PDE8A: variants seen among roughly 807,000 people sequenced by gnomAD.
PDE8A encodes phosphodiesterase 8A, also known as high affinity cAMP-specific and IBMX-insensitive 3',5'-cyclic phosphodiesterase 8A.
In PDE8A, 59 loss-of-function variants were observed where a neutral mutation model predicts 105.0. The ratio of observed to expected loss-of-function variants is 0.56; its 90% CI spans 0.46 to 0.70. The LOEUF (loss-of-function observed/expected upper bound fraction) is 0.70. Among genes scored for constraint, PDE8A ranks in the 30% least tolerant of loss-of-function variants. The pLI, the probability that PDE8A is intolerant of heterozygous loss-of-function variation, is 0.00. For synonymous variants in PDE8A, 355 were observed against 371.9 expected (o/e 0.95, Z 0.52); for missense variants, 1,014 against 1,045.9 (o/e 0.97, Z 0.42).
At chr15:85,123,337 T>TACACAC (rs58421452) in intron 19 of PDE8A, 144 bp downstream of exon 19, 3,991 of 329,882 alleles carry the variant, frequency 0.012, 57 homozygotes, top group African/African-American at 0.017. Flanking sequence ...ACTAATGGGA[T>TACACAC]ACACACACAC....
chr15:85,074,674 C>G (rs551924570), intron 3 of PDE8A, among the ~76,000 whole-genome samples: 2 of 152,350 alleles, frequency 1.3e-5, no homozygotes, highest in African/African-American at 4.8e-5. Context: ...GAACCTGTCT[C>G]AAAAAGATGG....
At chr15:85,022,915 G>C (rs1007639900) in intron 1 of PDE8A, among the ~76,000 whole-genome samples, 17 of 152,238 alleles carry the variant, frequency 1.1e-4, no homozygotes, top group Admixed American at 1.0e-3. Flanking sequence ...GAAGATATAT[G>C]AACATGTTTA....
At position 85,066,979 on chromosome 15, in the gene PDE8A, T is replaced by G; in HGVS notation, c.244-35T>G. On this transcript the variant is annotated intron_variant, in intron 2 of 21. Transcript: ENST00000394553. ...TAAGAAATGACAATTCTAACATCTT[T>G]TTTTAAAAAAAGTGTTTGTGCTCTT... 2.0e-6 allele frequency: 3 copies of G among 1,482,014 alleles called. No individual in the cohort carries two copies. In the South Asian group the frequency reaches 3.7e-5, roughly 18 times the overall value. 91.8% of individuals were successfully genotyped at this position (1,482,014 alleles called of 1,614,324 possible).
intron 3 of PDE8A, 82 bp downstream of exon 3, chr15:85,067,286 C>T: frequency 1.0e-6 from 1 of 1,001,066 alleles, no homozygotes; most frequent in Middle Eastern, 2.9e-4. Flanking sequence ...AAATTAGACT[C>T]ACTCTCTTTT....
chr15:85,037,299 A>G (rs376452119), intron 1 of PDE8A, among the ~76,000 whole-genome samples: 12 of 152,232 alleles, frequency 7.9e-5, no homozygotes, highest in African/African-American at 2.9e-4. Flanking sequence ...TCCCAACCTC[A>G]GGTGATCTGC....
intron 19 of PDE8A, among the ~76,000 whole-genome samples, chr15:85,125,670 T>TA (rs1320526332): frequency 6.6e-6 from 1 of 152,234 alleles, no homozygotes; most frequent in East Asian, 1.9e-4. Flanking sequence ...GAATGACTGT[T>TA]AAGTCCTTTA....
chr15:85,055,598 T>G (rs533873534), intron 1 of PDE8A, among the ~76,000 whole-genome samples: 1 of 152,352 alleles, frequency 6.6e-6, no homozygotes, highest in East Asian at 1.9e-4. Context: ...CTTTGTTGGT[T>G]TAAAGTCTGT....
chr15:85,087,679 A>G (rs1268309497), intron 6 of PDE8A, among the ~76,000 whole-genome samples: 1 of 152,226 alleles, frequency 6.6e-6, no homozygotes, highest in East Asian at 1.9e-4. Context: ...TATTGAATAA[A>G]TCATAATATA....
chr15:85,103,261 C>T (rs1021048806), intron 11 of PDE8A, among the ~76,000 whole-genome samples: 13 of 152,076 alleles, frequency 8.5e-5, no homozygotes, highest in African/African-American at 2.7e-4. Context: ...GTTGGGCAGC[C>T]GGGATATGGC....
chr15:85,015,246 T>A (rs1156384354), intron 1 of PDE8A, among the ~76,000 whole-genome samples: 1 of 150,604 alleles, frequency 6.6e-6, no homozygotes, highest in African/African-American at 2.4e-5. Context: ...GCATAAGTCT[T>A]TTTTTTTTTG....
In PDE8A at chr15:85,033,594, G is replaced by C. The variant is rs370976620; in HGVS notation, c.187-30776G>C. Among the ~76,000 whole-genome samples the C allele has an allele frequency of 4.6e-5, 7 of 152,176 alleles. No individual in the cohort carries two copies. The East Asian group carries it at 7.7e-4, about 17-fold the overall frequency. ...AAATAGCTGGTCCAAGCCAGGCGTG[G>C]TGGCTCACACTTGTAATCCCAGCAC... On this transcript the variant is annotated intron_variant, in intron 1 of 21. Transcript: ENST00000394553.
intron 1 of PDE8A, among the ~76,000 whole-genome samples, chr15:85,032,772 T>A (rs538644685): frequency 1.3e-5 from 2 of 152,320 alleles, no homozygotes; most frequent in East Asian, 1.9e-4. Context: ...AAATGCATTT[T>A]AAAAAATCAA....
intron 1 of PDE8A, among the ~76,000 whole-genome samples, chr15:85,028,447 T>TC (rs926831555): frequency 2.0e-5 from 3 of 152,272 alleles, no homozygotes; most frequent in African/African-American, 7.2e-5. Flanking sequence ...GCTCCTGGCC[T>TC]CAAGTGATCC....
intron 1 of PDE8A, among the ~76,000 whole-genome samples, chr15:85,015,587 A>G (rs1279703275): frequency 6.6e-6 from 1 of 152,122 alleles, no homozygotes; most frequent in African/African-American, 2.4e-5. Context: ...AGAAAGTATT[A>G]TTTCTCTACT....
intron 7 of PDE8A, among the ~76,000 whole-genome samples, chr15:85,090,393 T>C (rs888807406): frequency 6.6e-6 from 1 of 152,232 alleles, no homozygotes; most frequent in Non-Finnish European, 1.5e-5. Context: ...GTATCAATTA[T>C]TGTTTTATCA....
At chr15:85,081,304 C>A (rs1007259915) in intron 5 of PDE8A, among the ~76,000 whole-genome samples, 4 of 152,214 alleles carry the variant, frequency 2.6e-5, no homozygotes, top group African/African-American at 9.7e-5. Context: ...AGTCGGTAGA[C>A]TCACTGCTGG....
intron 1 of PDE8A, among the ~76,000 whole-genome samples, chr15:85,034,745 A>C (rs895804364): frequency 6.6e-6 from 1 of 152,184 alleles, no homozygotes; most frequent in Non-Finnish European, 1.5e-5. Context: ...ACAGGGTCTC[A>C]CTATGTTGCC....
At chr15:85,120,460 T>C (rs2082164272) in intron 17 of PDE8A, 1 of 169,920 alleles carries the variant, frequency 5.9e-6, no homozygotes, top group Non-Finnish European at 1.2e-5. Flanking sequence ...GTTTCTCTCC[T>C]TTATTAATAT....
At chr15:85,135,335 C>G (rs1009670555) in intron 20 of PDE8A, among the ~76,000 whole-genome samples, 10 of 152,128 alleles carry the variant, frequency 6.6e-5, no homozygotes, top group African/African-American at 2.4e-4. Context: ...CTTACCACAC[C>G]TGGCCCAACA....
Sources: allele counts gnomAD v4.1 joint callset (sites outside exome capture counted in the v4.1 genomes callset), GRCh38; gene constraint gnomAD v4.1.1; transcripts MANE v1.5; gene names NCBI Gene and HGNC (gene_info 2026-07-23, HGNC 2026-07-21).